The following MKLN1 variants were observed in gnomAD, a reference collection of about 807,000 sequenced individuals.
The protein encoded by MKLN1 is muskelin.
Under a neutral mutation model 99.0 loss-of-function variants are expected in MKLN1, and 18 were observed. The ratio of observed to expected loss-of-function variants is 0.18; its 90% CI spans 0.13 to 0.27. MKLN1 has a LOEUF of 0.27. MKLN1 is among the 10% of genes least tolerant of loss of function. The pLI, the probability that MKLN1 is intolerant of heterozygous loss-of-function variation, is 1.00. For synonymous variants in MKLN1, 288 were observed against 293.2 expected, an observed-to-expected ratio of 0.98 and a Z score of 0.18; for missense variants, 621 against 875.9, an observed-to-expected ratio of 0.71 and a Z score of 3.67.
At chr7:131,325,902 G>T (rs1327077404), upstream of MKLN1, among the ~76,000 whole-genome samples, 2 of 127,062 alleles carry the variant, frequency 1.6e-5, no homozygotes, top group Admixed American at 7.6e-5. Context: ...GAGAAAAGTG[G>T]GGGGGGGGTG....
chr7:131,469,339 G>T (rs1452296592), intron 15 of MKLN1, among the ~76,000 whole-genome samples: 1 of 152,124 alleles, frequency 6.6e-6, no homozygotes, highest in Non-Finnish European at 1.5e-5. Context: ...CTCACATTCA[G>T]ATTATCAAAG....
intron 3 of MKLN1, among the ~76,000 whole-genome samples, chr7:131,299,366 A>C (rs1798342007): frequency 6.6e-6 from 1 of 152,340 alleles, no homozygotes; most frequent in South Asian, 2.1e-4. Flanking sequence ...TCAATGAACT[A>C]CATGAAAAAA....
chr7:131,450,099 C>T (rs1172702723), intron 12 of MKLN1, among the ~76,000 whole-genome samples: 1 of 152,146 alleles, frequency 6.6e-6, no homozygotes, highest in African/African-American at 2.4e-5. Flanking sequence ...TGCTGCTTCA[C>T]TATGAACTAG....
intron 3 of MKLN1, among the ~76,000 whole-genome samples, chr7:131,274,194 T>C (rs1797927868): frequency 1.3e-5 from 2 of 152,128 alleles, no homozygotes; most frequent in Admixed American, 6.6e-5. Context: ...GGTCGTTTGT[T>C]CAAAGTCTCC....
chr7:131,291,745 GAGTT>G (rs1426727460), intron 3 of MKLN1, among the ~76,000 whole-genome samples: 2 of 141,296 alleles, frequency 1.4e-5, no homozygotes, highest in African/African-American at 2.7e-5. Flanking sequence ...CTACAGAGGT[GAGTT>G]AGTTGGAGTA....
chr7:131,451,279 A>G (rs1019376755), intron 12 of MKLN1, among the ~76,000 whole-genome samples: 4 of 152,110 alleles, frequency 2.6e-5, no homozygotes, highest in African/African-American at 4.8e-5. Flanking sequence ...TACTACAGTT[A>G]ATTACTGTAA....
At chr7:131,385,771 G>A (rs942628905) in intron 2 of MKLN1, among the ~76,000 whole-genome samples, 3 of 151,988 alleles carry the variant, frequency 2.0e-5, no homozygotes, top group Admixed American at 6.6e-5. Flanking sequence ...CCAGATACCA[G>A]ACTCTTATCA....
intron 6 of MKLN1, among the ~76,000 whole-genome samples, chr7:131,407,252 A>G (rs1041844834): frequency 2.0e-5 from 3 of 151,808 alleles, no homozygotes; most frequent in East Asian, 3.9e-4. Flanking sequence ...TTTTCCAACT[A>G]TTTAGATGTC....
At chr7:131,455,827 C>T (rs1285157688) in intron 12 of MKLN1, among the ~76,000 whole-genome samples, 1 of 152,142 alleles carries the variant, frequency 6.6e-6, no homozygotes, top group Non-Finnish European at 1.5e-5. Context: ...AGGCGAATCA[C>T]CTGAGGTCAG....
chr7:131,236,711 G>A (rs1421596434), intron 3 of MKLN1, among the ~76,000 whole-genome samples: 2 of 152,118 alleles, frequency 1.3e-5, no homozygotes, highest in Non-Finnish European at 1.5e-5. Context: ...GTGTGATGGT[G>A]CAGTGGCTCA....
intron 1 of MKLN1, among the ~76,000 whole-genome samples, chr7:131,116,645 T>G (rs1795282456): frequency 6.6e-6 from 1 of 151,906 alleles, no homozygotes; most frequent in Non-Finnish European, 1.5e-5. Context: ...GAAATTAAAC[T>G]ATTTAAGAAG....
intron 3 of MKLN1, among the ~76,000 whole-genome samples, chr7:131,308,590 CT>C (rs60430767): frequency 0.042 from 6,114 of 144,148 alleles, 369 homozygotes; most frequent in African/African-American, 0.15. Flanking sequence ...TTTGTTTTTT[CT>C]TTTTTTTTTT....
chr7:131,147,217 A>ATTTTTTTT (rs71168371), intron 2 of MKLN1, among the ~76,000 whole-genome samples: 2 of 136,334 alleles, frequency 1.5e-5, no homozygotes, highest in Non-Finnish European at 1.6e-5. Flanking sequence ...ACACCCAGCT[A>ATTTTTTTT]TTTTTTTTTT....
At chr7:131,220,285 T>C (rs952231194) in intron 3 of MKLN1, among the ~76,000 whole-genome samples, 1 of 152,146 alleles carries the variant, frequency 6.6e-6, no homozygotes, top group African/African-American at 2.4e-5. Context: ...TCAACAGAAT[T>C]CTCTTTCTCC....
At chr7:131,307,317 G>C (rs974449967) in intron 3 of MKLN1, among the ~76,000 whole-genome samples, 4 of 152,194 alleles carry the variant, frequency 2.6e-5, no homozygotes, top group Non-Finnish European at 5.9e-5. Flanking sequence ...TACTAGGGCA[G>C]TGCAGAGGGG....
At chr7:131,427,742 G>C (rs1439901297) in intron 8 of MKLN1, among the ~76,000 whole-genome samples, 1 of 152,108 alleles carries the variant, frequency 6.6e-6, no homozygotes, top group Admixed American at 6.6e-5. Flanking sequence ...TTTTAGTAGA[G>C]ACGGAGTTTC....
intron 2 of MKLN1, among the ~76,000 whole-genome samples, chr7:131,167,450 T>C (rs1796142716): frequency 6.6e-6 from 1 of 152,032 alleles, no homozygotes; most frequent in Admixed American, 6.6e-5. Context: ...GGCAGGAGGA[T>C]TGCCTGAGCC....
intron 1 of MKLN1, among the ~76,000 whole-genome samples, chr7:131,339,956 G>A (rs1478367024): frequency 9.2e-5 from 14 of 151,544 alleles, no homozygotes; most frequent in South Asian, 4.2e-4. Flanking sequence ...TATCACCTAT[G>A]TATTTTTTGT....
intron 1 of MKLN1, among the ~76,000 whole-genome samples, chr7:131,363,358 G>C (rs547487505): frequency 1.3e-5 from 2 of 152,002 alleles, no homozygotes; most frequent in Non-Finnish European, 1.5e-5. Flanking sequence ...TGCCCACCTA[G>C]AATGTGAATC....
Sources: gnomAD v4.1 joint callset for allele counts (sites outside exome capture counted in the v4.1 genomes callset) on GRCh38, gnomAD v4.1.1 for gene constraint, MANE v1.5 for transcripts, NCBI Gene and HGNC (gene_info 2026-07-23, HGNC 2026-07-21) for gene names.